Variants in ANAPC1 observed in about 807,000 individuals in gnomAD.
ANAPC1 encodes the protein anaphase-promoting complex subunit 1.
Under a neutral mutation model 208.0 loss-of-function variants are expected in ANAPC1, and 36 were observed. The observed-to-expected ratio is 0.17, with a 90% confidence interval of 0.13 to 0.23. ANAPC1 has a LOEUF of 0.23. Among genes scored for constraint, ANAPC1 ranks in the 10% least tolerant of loss-of-function variants. The pLI is 1.00. For synonymous variants in ANAPC1, 378 were observed against 695.2 expected (o/e 0.54, Z 7.18); for missense variants, 942 against 2,011.6 (o/e 0.47, Z 10.17).
chr2:111,864,117 A>C (rs540375357), intron 8 of ANAPC1, among the ~76,000 whole-genome samples: 36 of 152,214 alleles, frequency 2.4e-4, no homozygotes, highest in African/African-American at 8.4e-4. Flanking sequence ...GCTTGAGCCA[A>C]GGAATTCAAG....
At chr2:111,859,887 C>T (rs1331936579) in intron 10 of ANAPC1, among the ~76,000 whole-genome samples, 7 of 152,058 alleles carry the variant, frequency 4.6e-5, no homozygotes, top group Non-Finnish European at 8.8e-5. Context: ...GAGTATAGTC[C>T]GTATAGCCTA....
In ANAPC1 at chr2:111,864,912, T is replaced by C. The variant is rs1177809324; in HGVS notation, c.725A>G (p.His242Arg). 1.9e-6 allele frequency: 3 copies of C among 1,611,598 alleles called. No homozygotes were observed. The highest frequency in any genetic ancestry group is 2.5e-6 in the Non-Finnish European group (3 of 1,179,758). Residue 242 changes from histidine to arginine, a missense_variant, in exon 8 of 48, where the codon CAT (histidine) becomes CGT (arginine). Physicochemically the swap from His to Arg is conservative, Grantham distance 29. Transcript: ENST00000341068. Reference protein sequence around the residue: ...GSSRVQYVVDHAMKIVFLNTD... With the variant: ...GSSRVQYVVDRAMKIVFLNTD... The stretch of plus-strand genomic sequence containing the variant: ...ATTGAGGAAAACAATTTTCATTGCA[T>C]GATCTACAACATATTGCACCCGTGA...
Position 111,843,588 on chromosome 2 carries a change from A to G in ANAPC1, c.1864T>C (p.Leu622=), listed in dbSNP as rs770329710. The change falls in exon 17 of 48, where the codon TTG becomes CTG. Residue 622 remains leucine, a synonymous_variant. Transcript: ENST00000341068. ...GGCAGGATAAACTTAATTGCTTGCA[A>G]ACACGTTTGTACTATTAAAAGCAAA... The part of the protein sequence containing the change: ...IATSELVQTC[L]QAIKFILPKE... 6.2e-7 allele frequency: 1 copy of G among 1,611,342 alleles called. No homozygotes were observed. The highest frequency in any genetic ancestry group is 2.2e-5 in the East Asian group (1 of 44,864).
chr2:111,864,974 C>G (rs1412326581), intron 7 of ANAPC1, 23 bp from the exon 8 acceptor site: 6 of 1,600,240 alleles, frequency 3.7e-6, no homozygotes, highest in Non-Finnish European at 4.3e-6. Flanking sequence ...ATAGAAAAAT[C>G]AGGTATAGAA....
chr2:111,851,179 T>C (rs1314664823), intron 13 of ANAPC1, among the ~76,000 whole-genome samples: 1 of 152,030 alleles, frequency 6.6e-6, no homozygotes, highest in African/African-American at 2.4e-5. Flanking sequence ...CTCAGCTCAC[T>C]GCAGCCTCAA....
At chr2:111,795,442 G>A (rs1476060317) in intron 34 of ANAPC1, among the ~76,000 whole-genome samples, 2 of 148,238 alleles carry the variant, frequency 1.3e-5, no homozygotes, top group African/African-American at 5.0e-5. Flanking sequence ...ACAGGAAGAC[G>A]TAAGTATATT....
chr2:111,842,642 CAAA>C (rs1320611057), intron 17 of ANAPC1, among the ~76,000 whole-genome samples: 5 of 84,012 alleles, frequency 6.0e-5, no homozygotes, highest in Admixed American at 1.3e-4. Flanking sequence ...CATTCTGTCT[CAAA>C]AAAAAAAAAA....
At chr2:111,797,979 G>A (rs1444929106) in intron 34 of ANAPC1, among the ~76,000 whole-genome samples, 5 of 126,576 alleles carry the variant, frequency 4.0e-5, no homozygotes, top group African/African-American at 1.6e-4. Flanking sequence ...GTCTATCTGC[G>A]CCAAGAAAGA....
intron 7 of ANAPC1, among the ~76,000 whole-genome samples, chr2:111,866,714 A>G (rs1573500028): frequency 6.7e-6 from 1 of 148,150 alleles, no homozygotes; most frequent in South Asian, 2.1e-4. Flanking sequence ...ACAAAGCGAG[A>G]CTCCGTCTCA....
chr2:111,792,947 T>A (rs574776434), intron 37 of ANAPC1, among the ~76,000 whole-genome samples: 1 of 152,060 alleles, frequency 6.6e-6, no homozygotes, highest in East Asian at 1.9e-4. Context: ...AGCGAGACGC[T>A]GTCTCAGAGA....
At position 111,864,877 on chromosome 2, in the gene ANAPC1, A is replaced by G. The variant is rs1200595238; in HGVS notation, c.760T>C (p.Ser254Pro). Residue 254 changes from serine (S) to proline (P), a missense_variant, in exon 8 of 48, where the codon TCT becomes CCT. Ser to Pro is a moderately conservative substitution (Grantham distance 74, BLOSUM62 -1). Coordinates refer to ENST00000341068, the MANE Select transcript of ANAPC1 (RefSeq NM_022662.4). ...ACAGCATCATAAGTCATTACAATAG[A>G]GGGGTCAGTATTGAGGAAAACAATT... ...MKIVFLNTDP[S>P]IVMTYDAVQN... 2 of 1,611,674 alleles carry G rather than the reference A, an allele frequency of 1.2e-6. No homozygotes were observed. The highest frequency in any genetic ancestry group is 2.7e-5 in the African/African-American group (2 of 74,810).
chr2:111,808,331 A>G (rs1263460046), intron 29 of ANAPC1, among the ~76,000 whole-genome samples: 1 of 152,242 alleles, frequency 6.6e-6, no homozygotes, highest in East Asian at 1.9e-4. Flanking sequence ...GAGCATATTA[A>G]TAATGCCAAT....
intron 17 of ANAPC1, among the ~76,000 whole-genome samples, chr2:111,843,136 C>T (rs924774826): frequency 2.0e-5 from 3 of 152,100 alleles, no homozygotes; most frequent in Non-Finnish European, 4.4e-5. Context: ...TATCACTAAT[C>T]CTAGCATAAC....
At chr2:111,783,232 T>C (rs1431305064) in intron 42 of ANAPC1, among the ~76,000 whole-genome samples, 3 of 152,248 alleles carry the variant, frequency 2.0e-5, no homozygotes, top group Admixed American at 1.3e-4. Context: ...CTTTACTTTC[T>C]GACATGGTTA....
intron 1 of ANAPC1, among the ~76,000 whole-genome samples, chr2:111,883,600 A>T (rs1177904792): frequency 6.6e-6 from 1 of 152,006 alleles, no homozygotes; most frequent in African/African-American, 2.4e-5. Flanking sequence ...GAGCTTCCCC[A>T]GCCTTTCTAG....
chr2:111,774,868 T>C (rs1286228891), intron 46 of ANAPC1, among the ~76,000 whole-genome samples: 5 of 135,490 alleles, frequency 3.7e-5, no homozygotes, highest in Admixed American at 7.7e-5. Context: ...TCTTTAAATT[T>C]CCATAACAAA....
chr2:111,769,856 G>A (rs933015953), intron 47 of ANAPC1, among the ~76,000 whole-genome samples: 4 of 149,502 alleles, frequency 2.7e-5, no homozygotes, highest in African/African-American at 9.8e-5. Flanking sequence ...AATTTTTTTT[G>A]TATTTTTAGT....
At chr2:111,785,806 T>G (rs1052810903) in intron 39 of ANAPC1, among the ~76,000 whole-genome samples, 1 of 150,154 alleles carries the variant, frequency 6.7e-6, no homozygotes, top group Non-Finnish European at 1.5e-5. Context: ...AAAACCCCTT[T>G]CTACTCAACA....
chr2:111,880,742 G>C lies in ANAPC1; in HGVS notation c.84C>G (p.Cys28Trp). Reference sequence around the variant, plus strand: ...GGTTCAAAGCATTAGGGTGGTGCTTGCAGTGGTCTCGACCAAAAGGAACAA... The same window carrying C: ...GGTTCAAAGCATTAGGGTGGTGCTTCCAGTGGTCTCGACCAAAAGGAACAA... ...QEFVPFGRDH[C>W]KHHPNALNLQ... is the part of the protein sequence containing the mutation. Residue 28 changes from cysteine to tryptophan, a missense_variant, in exon 2 of 48, where the codon TGC becomes TGG. Transcript: ENST00000341068. 7 of 1,613,928 alleles carry C rather than the reference G, an allele frequency of 4.3e-6. No homozygotes were observed. Among genetic ancestry groups the C allele is most frequent in the East Asian group, 2.2e-5 (1 of 44,890 alleles).
Sources: allele counts gnomAD v4.1 joint callset (sites outside exome capture counted in the v4.1 genomes callset), GRCh38; gene constraint gnomAD v4.1.1; transcripts MANE v1.5; gene names NCBI Gene and HGNC (gene_info 2026-07-23, HGNC 2026-07-21).